The following RALGAPA1 variants were observed in gnomAD, a reference collection of about 807,000 sequenced individuals.
RALGAPA1 encodes the protein ral GTPase-activating protein subunit alpha-1.
A neutral mutation model predicts 269.6 loss-of-function variants in RALGAPA1; 52 were observed. The ratio of observed to expected loss-of-function variants is 0.19; its 90% CI spans 0.15 to 0.24. The LOEUF (loss-of-function observed/expected upper bound fraction) is 0.24, where lower values mean the gene tolerates loss of function less well. Among genes scored for constraint, RALGAPA1 ranks in the 10% least tolerant of loss-of-function variants. The pLI is 1.00. For synonymous variants in RALGAPA1, 817 were observed against 1,008.3 expected, an observed-to-expected ratio of 0.81 and a Z score of 3.60; for missense variants, 1,917 against 3,013.9, an observed-to-expected ratio of 0.64 and a Z score of 8.52.
At chr14:35,751,458 A>G (rs2072678153) in intron 8 of RALGAPA1, among the ~76,000 whole-genome samples, 1 of 152,178 alleles carries the variant, frequency 6.6e-6, no homozygotes, top group Admixed American at 6.6e-5. Flanking sequence ...TTTATAATTG[A>G]TAAGATCCAG....
At chr14:35,642,979 T>C (rs1403261374) in intron 31 of RALGAPA1, among the ~76,000 whole-genome samples, 2 of 152,176 alleles carry the variant, frequency 1.3e-5, no homozygotes, top group East Asian at 3.8e-4. Flanking sequence ...GTGGCAAATA[T>C]ACACCATGGA....
intron 37 of RALGAPA1, among the ~76,000 whole-genome samples, chr14:35,574,063 G>A (rs145330992): frequency 2.0e-3 from 297 of 152,232 alleles, no homozygotes; most frequent in Non-Finnish European, 3.1e-3. Context: ...TTTCCAAATG[G>A]CAGATTGTTC....
At chr14:35,740,632 C>T (rs1287331813) in intron 11 of RALGAPA1, among the ~76,000 whole-genome samples, 2 of 151,994 alleles carry the variant, frequency 1.3e-5, no homozygotes, top group East Asian at 3.9e-4. Flanking sequence ...ATGGTGAAAC[C>T]CTGTCTCTAT....
At chr14:35,630,462 A>G (rs1373713937) in intron 33 of RALGAPA1, among the ~76,000 whole-genome samples, 2 of 152,164 alleles carry the variant, frequency 1.3e-5, no homozygotes, top group East Asian at 3.9e-4. Flanking sequence ...TAATTTTTAC[A>G]TTAGAGAAGA....
chr14:35,766,990 T>C, intron 4 of RALGAPA1: 1 of 378,790 alleles, frequency 2.6e-6, no homozygotes, highest in Non-Finnish European at 5.1e-6. Context: ...AGCAGCTTCT[T>C]ACAGTAGCCA....
At chr14:35,600,721 G>C (rs1384676718) in intron 36 of RALGAPA1, among the ~76,000 whole-genome samples, 1 of 151,984 alleles carries the variant, frequency 6.6e-6, no homozygotes, top group South Asian at 2.1e-4. Context: ...TCTTTGCTGA[G>C]ACTATTTTTC....
At chr14:35,794,518 G>A (rs1230636951) in intron 1 of RALGAPA1, among the ~76,000 whole-genome samples, 4 of 152,128 alleles carry the variant, frequency 2.6e-5, no homozygotes, top group East Asian at 1.9e-4. Context: ...GTGCAGTGGC[G>A]CAGTCTCGGC....
chr14:35,663,354 T>C (rs964349255), intron 27 of RALGAPA1, among the ~76,000 whole-genome samples: 1 of 151,846 alleles, frequency 6.6e-6, no homozygotes, highest in Non-Finnish European at 1.5e-5. Context: ...ATGGATGCTA[T>C]AGAAAGTGTA....
At chr14:35,676,172 T>A (rs1402058269) in intron 22 of RALGAPA1, 1 of 152,100 alleles carries the variant, frequency 6.6e-6, no homozygotes, top group Admixed American at 6.6e-5. Flanking sequence ...AAATTTTAAA[T>A]GATTAAAAAG....
chr14:35,564,744 A>G (rs917201217), intron 39 of RALGAPA1, among the ~76,000 whole-genome samples: 1 of 152,160 alleles, frequency 6.6e-6, no homozygotes, highest in African/African-American at 2.4e-5. Context: ...TCAGAATATT[A>G]TACTTCTATA....
chr14:35,567,791 C>A (rs2056831482), intron 39 of RALGAPA1, among the ~76,000 whole-genome samples: 1 of 152,096 alleles, frequency 6.6e-6, no homozygotes, highest in Non-Finnish European at 1.5e-5. Context: ...TATTTTATGA[C>A]ACAAGAGGCA....
intron 16 of RALGAPA1, chr14:35,707,168 C>T (rs187602756): frequency 3.3e-5 from 5 of 152,212 alleles, no homozygotes; most frequent in African/African-American, 1.2e-4. Flanking sequence ...ATGGAAGGAG[C>T]GACTGACTTT....
chr14:35,643,479 C>T (rs1183549476), intron 31 of RALGAPA1, among the ~76,000 whole-genome samples: 1 of 152,088 alleles, frequency 6.6e-6, no homozygotes, highest in Admixed American at 6.6e-5. Flanking sequence ...TTTCGAGGTT[C>T]CTCAAAAAAC....
At chr14:35,726,033 A>C (rs1397585775) in intron 13 of RALGAPA1, among the ~76,000 whole-genome samples, 2 of 152,200 alleles carry the variant, frequency 1.3e-5, no homozygotes, top group Non-Finnish European at 2.9e-5. Context: ...AAGAGGCTAA[A>C]GGGACTTTCA....
At chr14:35,718,680 G>A (rs1365779652) in intron 16 of RALGAPA1, among the ~76,000 whole-genome samples, 1 of 151,982 alleles carries the variant, frequency 6.6e-6, no homozygotes, top group African/African-American at 2.4e-5. Flanking sequence ...GCCAGGCGTG[G>A]TGGCATGTGT....
At chr14:35,663,526 A>G (rs2063694606) in intron 27 of RALGAPA1, among the ~76,000 whole-genome samples, 1 of 151,888 alleles carries the variant, frequency 6.6e-6, no homozygotes, top group Admixed American at 6.6e-5. Context: ...GGTCACATAC[A>G]AAGACCATCT....
intron 11 of RALGAPA1, among the ~76,000 whole-genome samples, chr14:35,739,021 C>T (rs1444073891): frequency 8.5e-6 from 1 of 117,648 alleles, no homozygotes; most frequent in Non-Finnish European, 1.7e-5. Context: ...AAATTAAATG[C>T]CAGAATTCAA....
intron 36 of RALGAPA1, among the ~76,000 whole-genome samples, chr14:35,596,058 T>C (rs1280236848): frequency 6.6e-6 from 1 of 152,052 alleles, no homozygotes; most frequent in African/African-American, 2.4e-5. Context: ...GTGTTAATGG[T>C]AAATTATAAA....
intron 12 of RALGAPA1, among the ~76,000 whole-genome samples, chr14:35,734,733 C>T (rs2070817660): frequency 1.3e-5 from 2 of 151,778 alleles, no homozygotes; most frequent in African/African-American, 4.8e-5. Context: ...TTTTATACAG[C>T]AAAAGGAATA....
Sources: allele counts gnomAD v4.1 joint callset (sites outside exome capture counted in the v4.1 genomes callset), GRCh38; gene constraint gnomAD v4.1.1; transcripts MANE v1.5; gene names NCBI Gene and HGNC (gene_info 2026-07-23, HGNC 2026-07-21).